TCERG1: variants seen among roughly 807,000 people sequenced by gnomAD.
TCERG1 encodes TATA box binding protein (TBP)-associated factor, RNA polymerase II, S, 150kD.
In TCERG1, 37 loss-of-function variants were observed where a neutral mutation model predicts 144.7. The ratio of observed to expected loss-of-function variants is 0.26; its 90% confidence interval spans 0.20 to 0.34. The LOEUF (loss-of-function observed/expected upper bound fraction) is 0.34. Among genes scored for constraint, TCERG1 ranks in the 10% least tolerant of loss-of-function variants. TCERG1 has a pLI of 1.00. For missense variants in TCERG1, 1,027 were observed against 1,380.7 expected (o/e 0.74, Z 4.06); for synonymous variants, 492 against 458.2 (o/e 1.07, Z -0.94).
At chr5:146,484,234 A>G (rs1438456439) in intron 15 of TCERG1, among the ~76,000 whole-genome samples, 1 of 152,134 alleles carries the variant, frequency 6.6e-6, no homozygotes, top group Non-Finnish European at 1.5e-5. Flanking sequence ...AAAACAGTGG[A>G]TACTTAAGGG....
intron 19 of TCERG1, among the ~76,000 whole-genome samples, chr5:146,506,789 A>G (rs896030345): frequency 6.6e-6 from 1 of 152,012 alleles, no homozygotes; most frequent in Admixed American, 6.6e-5. Context: ...TATTTCACTT[A>G]TGTTGTCCTC....
At chr5:146,452,645 A>G (rs998184852) in intron 1 of TCERG1, among the ~76,000 whole-genome samples, 5 of 152,178 alleles carry the variant, frequency 3.3e-5, no homozygotes, top group African/African-American at 1.2e-4. Flanking sequence ...GCTGGAGTGC[A>G]GTGGCACAAT....
chr5:146,458,278 G>A (rs1460363249), intron 3 of TCERG1, among the ~76,000 whole-genome samples: 2 of 151,800 alleles, frequency 1.3e-5, no homozygotes, highest in Non-Finnish European at 2.9e-5. Flanking sequence ...CCGGGTTCAA[G>A]TGATTCTCCT....
chr5:146,448,367 A>G (rs994988417), intron 1 of TCERG1, among the ~76,000 whole-genome samples: 67 of 152,330 alleles, frequency 4.4e-4, no homozygotes, highest in African/African-American at 1.5e-3. Flanking sequence ...TGAGTTTGTA[A>G]TTAAAATTTG....
At chr5:146,498,722 G>T (rs779340401) in intron 17 of TCERG1, 36 bp downstream of exon 17, 2 of 1,582,688 alleles carry the variant, frequency 1.3e-6, no homozygotes, top group Non-Finnish European at 1.7e-6. Context: ...GTGATTGATG[G>T]GAGTGTGAAT....
chr5:146,506,998 G>A (rs774755915), intron 19 of TCERG1, 30 bp from the exon 20 acceptor site: 6 of 1,511,978 alleles, frequency 4.0e-6, no homozygotes, highest in Admixed American at 4.6e-5. Context: ...AAGTCTCTTT[G>A]GTGATATATA....
At chr5:146,475,786 C>T (rs751675036) in intron 9 of TCERG1, among the ~76,000 whole-genome samples, 3 of 152,078 alleles carry the variant, frequency 2.0e-5, no homozygotes, top group Non-Finnish European at 2.9e-5. Flanking sequence ...AACTGGGATG[C>T]TTATAGAGAG....
At chr5:146,471,675 T>G (rs1581445675) in intron 9 of TCERG1, 99 bp downstream of exon 9, 2 of 909,658 alleles carry the variant, frequency 2.2e-6, no homozygotes, top group East Asian at 2.6e-5. Context: ...CTGGGCTCAC[T>G]GCAACCTCCA....
At position 146,457,321 on chromosome 5, in the gene TCERG1, A is replaced by G; in HGVS notation, c.424A>G (p.Thr142Ala). 6.2e-7 allele frequency: 1 copy of G among 1,606,818 alleles called. No individual in the cohort carries two copies. Among genetic ancestry groups the G allele is most frequent in the Non-Finnish European group, 8.5e-7 (1 of 1,176,970 alleles). Residue 142 changes from threonine (T) to alanine (A), a missense_variant, in exon 3 of 23, where the codon ACT becomes GCT. This residue lies in a region of TCERG1 where 2 missense variants were observed against 17.9 expected (regional missense o/e 0.11). Transcript: ENST00000679501. ...PTEEIWVENK[T>A]PDGKVYYYNA... ...GGAGGAGATATGGGTTGAAAATAAA[A>G]CTCCAGATGGGAAGGTAAATAATAA...
Position 146,455,088 on chromosome 5 carries a change from G to T in TCERG1, c.92G>T (p.Gly31Val). 6.2e-7 allele frequency: 1 copy of T among 1,614,226 alleles called. No individual in the cohort carries two copies. Among genetic ancestry groups the T allele is most frequent in the Non-Finnish European group, 8.5e-7 (1 of 1,180,038 alleles). ...CAACAGCAGGCCTTGAGGTTCCGAG[G>T]TCCGGCTCCCCCACCAAATGCAGTG... ...MAQQQALRFR[G>V]PAPPPNAVMR... The change falls in exon 2 of 23, where the codon GGT (glycine) becomes GTT (valine). Residue 31 changes from glycine to valine, a missense_variant. By Grantham distance (109) the Gly-to-Val change is moderately radical (BLOSUM62 -3). Transcript: ENST00000679501.
intron 5 of TCERG1, 24 bp downstream of exon 5, chr5:146,463,817 C>T (rs769820180): frequency 1.2e-6 from 2 of 1,613,722 alleles, no homozygotes; most frequent in Admixed American, 1.7e-5. Context: ...TTATAATGGT[C>T]TTTCCAGCTA....
At chr5:146,473,930 A>G (rs12189153) in intron 9 of TCERG1, among the ~76,000 whole-genome samples, 11,660 of 152,238 alleles carry the variant, frequency 0.077, 491 homozygotes, top group Middle Eastern at 0.12. Context: ...TCTGCAGCCC[A>G]TGGATCAAGG....
intron 16 of TCERG1, among the ~76,000 whole-genome samples, chr5:146,498,038 G>A (rs1020409556): frequency 5.3e-5 from 8 of 152,250 alleles, no homozygotes; most frequent in African/African-American, 1.7e-4. Context: ...ACTCTAGTTG[G>A]ACTTGAGCTC....
intron 21 of TCERG1, among the ~76,000 whole-genome samples, chr5:146,508,667 C>T (rs1486088024): frequency 6.6e-6 from 1 of 152,148 alleles, no homozygotes; most frequent in African/African-American, 2.4e-5. Context: ...TTACTTTTGG[C>T]TTGCCAGAAA....
intron 4 of TCERG1, among the ~76,000 whole-genome samples, chr5:146,459,776 A>G (rs1763177627): frequency 6.6e-6 from 1 of 152,242 alleles, no homozygotes. Context: ...TGGGTGGACT[A>G]CATGGGTATT....
intron 2 of TCERG1, 76 bp from the exon 3 acceptor site, chr5:146,457,107 A>G (rs566725258): frequency 6.5e-7 from 1 of 1,548,854 alleles, no homozygotes; most frequent in Middle Eastern, 1.7e-4. Context: ...ACAGTGTTTT[A>G]CTTTTGAATA....
intron 1 of TCERG1, among the ~76,000 whole-genome samples, chr5:146,452,906 G>C (rs767883047): frequency 2.6e-4 from 39 of 152,148 alleles, no homozygotes; most frequent in Admixed American, 8.5e-4. Flanking sequence ...CCTGGCTTTA[G>C]TACTGAACCA....
At chr5:146,484,463 A>G (rs1398264007) in intron 15 of TCERG1, among the ~76,000 whole-genome samples, 1 of 152,196 alleles carries the variant, frequency 6.6e-6, no homozygotes, top group East Asian at 1.9e-4. Flanking sequence ...AGTAGTGCCC[A>G]TCTTTGATAT....
intron 4 of TCERG1, among the ~76,000 whole-genome samples, chr5:146,460,339 CTTTT>C (rs1229886049): frequency 6.7e-6 from 1 of 149,836 alleles, no homozygotes; most frequent in Non-Finnish European, 1.5e-5. Flanking sequence ...TTCTTTTTTT[CTTTT>C]TTCTTTTTTT....
Sources: gnomAD v4.1 joint callset for allele counts (sites outside exome capture counted in the v4.1 genomes callset) on GRCh38, gnomAD v4.1.1 for gene constraint, gnomAD v4.1.1 regional missense constraint, MANE v1.5 for transcripts, NCBI Gene and HGNC (gene_info 2026-07-23, HGNC 2026-07-21) for gene names.